The following ARHGEF7 variants were observed in gnomAD, a reference collection of about 807,000 sequenced individuals.
The protein encoded by ARHGEF7 is Rho guanine nucleotide exchange factor 7, also known as PAK-interacting exchange factor beta.
In ARHGEF7, 33 loss-of-function variants were observed where a neutral mutation model predicts 109.8. The observed-to-expected ratio is 0.30, with a 90% confidence interval of 0.23 to 0.40. The LOEUF is 0.40. Among genes scored for constraint, ARHGEF7 ranks in the 10% least tolerant of loss-of-function variants. The pLI is 1.00. For synonymous variants in ARHGEF7, 458 were observed against 424.6 expected, an observed-to-expected ratio of 1.08 and a Z score of -0.97; for missense variants, 938 against 1,098.5, an observed-to-expected ratio of 0.85 and a Z score of 2.07.
chr13:111,218,183 T>TTA (rs1555370581), intron 5 of ARHGEF7, among the ~76,000 whole-genome samples: 5 of 151,268 alleles, frequency 3.3e-5, no homozygotes, highest in Non-Finnish European at 5.9e-5. Flanking sequence ...TTTTTTTTTT[T>TTA]AAGAGCTAGT....
intron 2 of ARHGEF7, among the ~76,000 whole-genome samples, chr13:111,200,527 A>G (rs2081098331): frequency 6.6e-6 from 1 of 151,358 alleles, no homozygotes; most frequent in Non-Finnish European, 1.5e-5. Context: ...TTTAGAGGTT[A>G]GCTGATTCAG....
At position 111,280,622 on chromosome 13, in the gene ARHGEF7, A is replaced by G. The variant is rs1364116057; in HGVS notation, c.1670A>G (p.Lys557Arg). The change falls in exon 15 of 22, where the codon AAG becomes AGG. Residue 557 changes from lysine to arginine, a missense_variant. By Grantham distance (26) the Lys-to-Arg change is conservative (BLOSUM62 2). Transcript: ENST00000646102. ...GTGGAGCACCTACAGAAGCAAACGA[A>G]GGTCACGTCTGTGGGAAACCCCACC... ...EWVEHLQKQT[K>R]VTSVGNPTIK... 4 of 1,612,274 alleles carry G rather than the reference A, an allele frequency of 2.5e-6. No homozygotes were observed. Among genetic ancestry groups the G allele is most frequent in the Non-Finnish European group, 3.4e-6 (4 of 1,179,410 alleles).
intron 2 of ARHGEF7, among the ~76,000 whole-genome samples, chr13:111,200,442 C>T (rs1310659892): frequency 6.8e-6 from 1 of 146,748 alleles, no homozygotes; most frequent in Non-Finnish European, 1.5e-5. Context: ...CTTCCTTGCT[C>T]GAAATCATGT....
intron 3 of ARHGEF7, among the ~76,000 whole-genome samples, chr13:111,206,235 G>A (rs77643661): frequency 0.1 from 15,601 of 151,698 alleles, 1,113 homozygotes; most frequent in Middle Eastern, 0.16. Flanking sequence ...CCCTTCAGAG[G>A]GGGGGGTGTA....
At chr13:111,240,633 A>G (rs937938761) in intron 6 of ARHGEF7, among the ~76,000 whole-genome samples, 8 of 152,232 alleles carry the variant, frequency 5.3e-5, no homozygotes, top group African/African-American at 7.2e-5. Flanking sequence ...TTGAAAATTT[A>G]CTTGAAGTGT....
chr13:111,280,388 G>A (rs781538449), intron 14 of ARHGEF7, 38 bp downstream of exon 14: 14 of 1,597,116 alleles, frequency 8.8e-6, no homozygotes, highest in Admixed American at 5.2e-5. Flanking sequence ...GTGTCTCGGG[G>A]AGGAGAGGCA....
At chr13:111,238,794 T>G (rs1450113176) in intron 6 of ARHGEF7, among the ~76,000 whole-genome samples, 1 of 152,150 alleles carries the variant, frequency 6.6e-6, no homozygotes, top group Non-Finnish European at 1.5e-5. Context: ...AGTCGCTGAC[T>G]GGGAAGACAC....
chr13:111,280,399 G>T (rs369089175), intron 14 of ARHGEF7, 49 bp downstream of exon 14: 1 of 1,588,634 alleles, frequency 6.3e-7, no homozygotes, highest in East Asian at 2.2e-5. Context: ...AGGAGAGGCA[G>T]CTTGTCCCCG....
intron 3 of ARHGEF7, among the ~76,000 whole-genome samples, chr13:111,206,351 C>T (rs2081851173): frequency 2.0e-5 from 3 of 152,050 alleles, no homozygotes; most frequent in Non-Finnish European, 4.4e-5. Context: ...GTCCTTGGTG[C>T]TGCCTCCCAG....
At chr13:111,300,254 A>G (rs1165316266) in intron 19 of ARHGEF7, among the ~76,000 whole-genome samples, 1 of 152,180 alleles carries the variant, frequency 6.6e-6, no homozygotes, top group Non-Finnish European at 1.5e-5. Flanking sequence ...AAATAATGTT[A>G]TTTTTTCTAA....
intron 2 of ARHGEF7, among the ~76,000 whole-genome samples, chr13:111,174,523 C>G (rs139944879): frequency 2.0e-5 from 3 of 152,202 alleles, no homozygotes; most frequent in Non-Finnish European, 2.9e-5. Flanking sequence ...CTTGCTCTTG[C>G]ATTTTATGAC....
chr13:111,138,465 A>T (rs1226041639), intron 1 of ARHGEF7, among the ~76,000 whole-genome samples: 4 of 152,152 alleles, frequency 2.6e-5, no homozygotes, highest in Non-Finnish European at 5.9e-5. Flanking sequence ...TGGATGACAG[A>T]GCGAGATTGC....
chr13:111,183,975 T>C (rs894797280), intron 2 of ARHGEF7, among the ~76,000 whole-genome samples: 4 of 152,072 alleles, frequency 2.6e-5, no homozygotes, highest in African/African-American at 9.7e-5. Context: ...CCTCTCTGTG[T>C]GGTTGGGGTA....
At chr13:111,285,139 C>T (rs559055241) in intron 16 of ARHGEF7, among the ~76,000 whole-genome samples, 8 of 152,208 alleles carry the variant, frequency 5.3e-5, no homozygotes, top group Middle Eastern at 3.4e-3. Flanking sequence ...AACATTGTAC[C>T]CAATGGGTAG....
chr13:111,132,258 A>G (rs1008560749), intron 1 of ARHGEF7, among the ~76,000 whole-genome samples: 2 of 152,156 alleles, frequency 1.3e-5, no homozygotes, highest in African/African-American at 4.8e-5. Context: ...TTTAAGGCCA[A>G]TAAGTGTTGC....
intron 2 of ARHGEF7, chr13:111,159,164 T>C: frequency 2.9e-6 from 2 of 700,976 alleles, no homozygotes; most frequent in Non-Finnish European, 5.3e-6. Context: ...CTGCTTTCTC[T>C]TAGCACAATG....
At chr13:111,280,138 A>G in intron 13 of ARHGEF7, 134 bp from the exon 14 acceptor site, 1 of 864,726 alleles carries the variant, frequency 1.2e-6, no homozygotes, top group South Asian at 1.8e-5. Context: ...ATCTGCTACA[A>G]ATGAGCTTTT....
chr13:111,275,764 T>A, intron 12 of ARHGEF7, 86 bp downstream of exon 12: 1 of 1,526,590 alleles, frequency 6.6e-7, no homozygotes, highest in Non-Finnish European at 9.1e-7. Context: ...TCTCAAGCGA[T>A]GAAAAATGTC....
At chr13:111,237,936 A>C (rs1344181535) in intron 6 of ARHGEF7, among the ~76,000 whole-genome samples, 1 of 152,224 alleles carries the variant, frequency 6.6e-6, no homozygotes. Flanking sequence ...ACCACAGTCC[A>C]GAATGTGTTG....
Sources: allele counts gnomAD v4.1 joint callset (sites outside exome capture counted in the v4.1 genomes callset), GRCh38; gene constraint gnomAD v4.1.1; transcripts MANE v1.5; gene names NCBI Gene and HGNC (gene_info 2026-07-23, HGNC 2026-07-21).